Variants in LDB2 observed in about 807,000 individuals in gnomAD.
LDB2 encodes the protein LIM domain binding 2, also known as LIM domain-binding protein 2.
LDB2 carries 12 observed loss-of-function variants against 44.3 expected under a neutral mutation model. The ratio of observed to expected loss-of-function variants is 0.27; its 90% CI spans 0.17 to 0.44. The LOEUF (loss-of-function observed/expected upper bound fraction) is 0.44. LDB2 is among the 20% of genes least tolerant of loss of function. The probability of loss-of-function intolerance (pLI) is 1.00; values close to 1 mark genes in which losing one functional copy is unlikely to be tolerated. For missense variants in LDB2, 344 were observed against 473.5 expected (o/e 0.73, Z 2.54); for synonymous variants, 164 against 174.8 (o/e 0.94, Z 0.49).
intron 2 of LDB2, among the ~76,000 whole-genome samples, chr4:16,625,682 C>G (rs965061023): frequency 1.3e-5 from 2 of 152,140 alleles, no homozygotes; most frequent in African/African-American, 4.8e-5. Context: ...GGTTCTTGCA[C>G]AGAAAGCAGT....
intron 5 of LDB2, among the ~76,000 whole-genome samples, chr4:16,578,634 G>A (rs2152413856): frequency 6.6e-6 from 1 of 152,296 alleles, no homozygotes; most frequent in African/African-American, 2.4e-5. Context: ...CCACTATGGA[G>A]AATAGTTTGG....
intron 5 of LDB2, among the ~76,000 whole-genome samples, chr4:16,537,629 C>T (rs1732307186): frequency 6.6e-6 from 1 of 152,160 alleles, no homozygotes; most frequent in Admixed American, 6.5e-5. Flanking sequence ...CAAAGAACTT[C>T]ATGGAGGGCA....
At chr4:16,558,817 C>T (rs1297420440) in intron 5 of LDB2, among the ~76,000 whole-genome samples, 1 of 152,118 alleles carries the variant, frequency 6.6e-6, no homozygotes, top group Non-Finnish European at 1.5e-5. Flanking sequence ...AGAGAAAGGT[C>T]GGGTTACCCA....
chr4:16,770,960 C>A (rs1048978201), intron 1 of LDB2, among the ~76,000 whole-genome samples: 6 of 152,192 alleles, frequency 3.9e-5, no homozygotes, highest in African/African-American at 7.2e-5. Flanking sequence ...AGGATAATGT[C>A]ATGAGGCAGC....
Position 16,863,743 on chromosome 4 carries a change from C to T in LDB2, c.132+34611G>A, listed in dbSNP as rs563136390. ...TGGCGCGATCTCGGCTCACTGCAAG[C>T]TCTGCCTCCCGGGTTCACGCCATTC... On this transcript the variant is annotated intron_variant, in intron 1 of 7. Coordinates refer to ENST00000304523, the MANE Select transcript of LDB2 (RefSeq NM_001290.5). 1.8e-4 allele frequency among the ~76,000 whole-genome samples: 26 copies of T among 144,186 alleles called. No individual in the cohort carries two copies. The East Asian group carries it at 5.8e-3, about 32-fold the overall frequency. The allele number at this position is 144,186 out of a possible 152,430, so 94.6% of individuals were successfully genotyped here. A position where few individuals can be genotyped will look rare whatever the true frequency, so the allele number is the denominator to read the frequency against.
rs138719898 is a variant in LDB2 at position 16,708,977 on chromosome 4, G to C, written c.235+50181C>G. ...GCCTCTAACACTTTGGATGCAGAAG[G>C]TGTCCACTCCCTTCTTTACTCCCAA... On this transcript the variant is annotated intron_variant, in intron 2 of 7. Transcript: ENST00000304523. Among the ~76,000 whole-genome samples, 1,411 of 152,130 alleles carry C rather than the reference G, an allele frequency of 9.3e-3. 26 individuals carry two copies. The highest frequency in any genetic ancestry group is 0.032 in the African/African-American group (1,314 of 41,514).
intron 1 of LDB2, among the ~76,000 whole-genome samples, chr4:16,819,476 A>AAG (rs1319876811): frequency 2.6e-5 from 4 of 151,006 alleles, no homozygotes; most frequent in South Asian, 4.2e-4. Context: ...AAAAAAAAAA[A>AAG]AAAAGAAATT....
intron 1 of LDB2, among the ~76,000 whole-genome samples, chr4:16,825,808 C>T (rs1782949686): frequency 6.6e-6 from 1 of 152,038 alleles, no homozygotes; most frequent in Non-Finnish European, 1.5e-5. Flanking sequence ...ATATGAGATA[C>T]AATACACAGG....
Position 16,749,271 on chromosome 4 carries a change from T to C in LDB2, c.235+9887A>G, listed in dbSNP as rs528207767. Among the ~76,000 whole-genome samples, 7 of 152,088 alleles carry C rather than the reference T, an allele frequency of 4.6e-5. No homozygotes were observed. The East Asian group carries it at 1.4e-3, about 29-fold the overall frequency. On this transcript the variant is annotated intron_variant, in intron 2 of 7. Coordinates refer to ENST00000304523, the MANE Select transcript of LDB2 (RefSeq NM_001290.5). ...AGGTTGGGTAGGCATAATTTTAGTT[T>C]GAAGTTTAAAATATGAGTCTCGGCG... is the stretch of plus-strand genomic sequence containing the variant.
chr4:16,658,763 T>G (rs1740642770), intron 2 of LDB2, among the ~76,000 whole-genome samples: 1 of 152,158 alleles, frequency 6.6e-6, no homozygotes, highest in Non-Finnish European at 1.5e-5. Context: ...GCCCACACTG[T>G]CTAGGTGTTT....
At chr4:16,634,296 C>CA (rs35227929) in intron 2 of LDB2, among the ~76,000 whole-genome samples, 34,929 of 105,200 alleles carry the variant, frequency 0.33, 6,036 homozygotes, top group Middle Eastern at 0.45. Flanking sequence ...TTTGCACGGC[C>CA]AAAAAAAAAA....
Position 16,739,588 on chromosome 4 carries a change from AAAT to A in LDB2, c.235+19567_235+19569del, listed in dbSNP as rs1317899241. ...GTGACAGAGGGAAAAAAAAAAAAAA[AAAT>A]ATATATATATATATATATGTATATA... On this transcript the variant is annotated intron_variant, in intron 2 of 7. Coordinates refer to ENST00000304523, the MANE Select transcript of LDB2 (RefSeq NM_001290.5). Among the ~76,000 whole-genome samples the A allele has an allele frequency of 3.7e-4, 22 of 59,586 alleles. 5 individuals carry two copies. Among genetic ancestry groups the A allele is most frequent in the African/African-American group, 1.6e-3 (21 of 12,870 alleles). 39.1% of individuals were successfully genotyped at this position (59,586 alleles called of 152,430 possible). A position where few individuals can be genotyped will look rare whatever the true frequency, so the allele number is the denominator to read the frequency against.
At chr4:16,615,064 C>T (rs1180833034) in intron 2 of LDB2, among the ~76,000 whole-genome samples, 3 of 99,524 alleles carry the variant, frequency 3.0e-5, no homozygotes, top group Admixed American at 1.2e-4. Flanking sequence ...AGCGAGACTC[C>T]GTCTCAAAAA....
intron 5 of LDB2, among the ~76,000 whole-genome samples, chr4:16,537,320 G>A (rs892524701): frequency 6.6e-6 from 1 of 152,234 alleles, no homozygotes; most frequent in Non-Finnish European, 1.5e-5. Flanking sequence ...AGAAGGAAAT[G>A]TGAAGGTTTC....
chr4:16,728,836 A>T (rs1166701960), intron 2 of LDB2, among the ~76,000 whole-genome samples: 1 of 149,128 alleles, frequency 6.7e-6, no homozygotes, highest in East Asian at 2.0e-4. Flanking sequence ...TAAATAACAG[A>T]CAGTAATAAT....
At chr4:16,808,511 G>C (rs893344267) in intron 1 of LDB2, among the ~76,000 whole-genome samples, 3 of 152,142 alleles carry the variant, frequency 2.0e-5, no homozygotes, top group Admixed American at 6.5e-5. Flanking sequence ...GAAAACATGA[G>C]ATGATTATGA....
At chr4:16,812,763 G>T (rs1579900979) in intron 1 of LDB2, among the ~76,000 whole-genome samples, 1 of 151,096 alleles carries the variant, frequency 6.6e-6, no homozygotes, top group Non-Finnish European at 1.5e-5. Flanking sequence ...TAATTAAAGA[G>T]AACAAGAATA....
chr4:16,763,105 A>G (rs933504258), intron 1 of LDB2, among the ~76,000 whole-genome samples: 1 of 150,804 alleles, frequency 6.6e-6, no homozygotes, highest in African/African-American at 2.5e-5. Flanking sequence ...ACACACACAC[A>G]CACACACACA....
chr4:16,678,093 A>T (rs1041017058), intron 2 of LDB2, among the ~76,000 whole-genome samples: 1 of 152,222 alleles, frequency 6.6e-6, no homozygotes, highest in Non-Finnish European at 1.5e-5. Flanking sequence ...GAGAAAGCAA[A>T]CAACGATTTC....
Sources: gnomAD v4.1 joint callset for allele counts (sites outside exome capture counted in the v4.1 genomes callset) on GRCh38, gnomAD v4.1.1 for gene constraint, MANE v1.5 for transcripts, NCBI Gene and HGNC (gene_info 2026-07-23, HGNC 2026-07-21) for gene names.